The following NOL4 variants were observed in gnomAD, a reference collection of about 807,000 sequenced individuals.
NOL4 encodes cancer/testis antigen 125.
A neutral mutation model predicts 75.9 loss-of-function variants in NOL4; 17 were observed. That is an observed-to-expected ratio of 0.22 (90% CI 0.15 to 0.34). The LOEUF (loss-of-function observed/expected upper bound fraction) is 0.34. NOL4 is among the 10% of genes least tolerant of loss of function. The pLI, the probability that NOL4 is intolerant of heterozygous loss-of-function variation, is 1.00. For missense variants in NOL4, 614 were observed against 793.5 expected, an observed-to-expected ratio of 0.77 and a Z score of 2.72; for synonymous variants, 292 against 289.9, an observed-to-expected ratio of 1.01 and a Z score of -0.07.
intron 6 of NOL4, among the ~76,000 whole-genome samples, chr18:34,004,126 C>T (rs993697851): frequency 8.5e-5 from 13 of 152,068 alleles, no homozygotes; most frequent in African/African-American, 2.2e-4. Flanking sequence ...TTTCAATCAA[C>T]TGCCCATCAG....
rs188393305 is a variant in NOL4 at position 33,877,640 on chromosome 18, A to G, written c.1723+5604T>C. Among the ~76,000 whole-genome samples, 20 of 152,118 alleles carry G rather than the reference A, an allele frequency of 1.3e-4. No individual in the cohort carries two copies. The East Asian group carries it at 3.9e-3, about 30-fold the overall frequency. On this transcript the variant is annotated intron_variant, in intron 10 of 10. Coordinates refer to ENST00000261592, the MANE Select transcript of NOL4 (RefSeq NM_003787.5). The stretch of plus-strand genomic sequence containing the variant: ...TTTTATGATAGGAAAGTTTTTGGGG[A>G]GAAACATACAGAAAAAATAGACCTC...
intron 9 of NOL4, among the ~76,000 whole-genome samples, chr18:33,941,268 T>C (rs1421762057): frequency 6.6e-6 from 1 of 151,986 alleles, no homozygotes; most frequent in African/African-American, 2.4e-5. Flanking sequence ...TGGGGAATAT[T>C]GTAGAGTGAT....
chr18:34,083,147 A>G (rs1057471138), intron 5 of NOL4, among the ~76,000 whole-genome samples: 7 of 152,194 alleles, frequency 4.6e-5, no homozygotes, highest in African/African-American at 1.7e-4. Context: ...TGTACGTTCA[A>G]GATGGATTAG....
chr18:33,884,411 T>G (rs2064508049), intron 9 of NOL4, among the ~76,000 whole-genome samples: 1 of 152,118 alleles, frequency 6.6e-6, no homozygotes, highest in South Asian at 2.1e-4. Context: ...TGTTTGCTCA[T>G]TTTTAAGCTA....
At chr18:34,048,537 C>G (rs1042890636) in intron 5 of NOL4, 2 of 985,334 alleles carry the variant, frequency 2.0e-6, no homozygotes, top group African/African-American at 1.7e-5. Context: ...ACCTTTCTCT[C>G]GAAGTGCACC....
rs562230754 is a variant in NOL4, at chr18:33,852,576, C to T, written c.*266G>A. 2 of 273,226 alleles carry T rather than the reference C, an allele frequency of 7.3e-6. No individual in the cohort carries two copies. Among genetic ancestry groups the T allele is most frequent in the Non-Finnish European group, 1.4e-5 (2 of 146,656 alleles). The allele number at this position is 273,226 out of a possible 1,614,324, so 16.9% of individuals were successfully genotyped here. ...TTATCCTTGAATTAAGAATAGATAG[C>T]CTTTTATGCCCCTGATATTTATGGT... is the stretch of plus-strand genomic sequence containing the variant. On this transcript the variant is annotated 3_prime_UTR_variant, in exon 11 of 11. Transcript: ENST00000261592.
intron 5 of NOL4, among the ~76,000 whole-genome samples, chr18:34,076,885 A>G (rs1353420990): frequency 2.0e-5 from 3 of 152,206 alleles, no homozygotes; most frequent in African/African-American, 4.8e-5. Context: ...CATGACTGAT[A>G]AACATGAGTC....
At chr18:33,928,245 A>G (rs1034784720) in intron 9 of NOL4, among the ~76,000 whole-genome samples, 1 of 152,198 alleles carries the variant, frequency 6.6e-6, no homozygotes, top group Non-Finnish European at 1.5e-5. Context: ...AAAGTGTATC[A>G]ACATCGTAGG....
intron 2 of NOL4, among the ~76,000 whole-genome samples, chr18:34,120,091 A>G (rs1018823564): frequency 6.6e-6 from 1 of 152,316 alleles, no homozygotes; most frequent in Non-Finnish European, 1.5e-5. Context: ...AGCCTTAAAG[A>G]CTATATTTAT....
intron 1 of NOL4, among the ~76,000 whole-genome samples, chr18:34,156,896 G>C (rs1313904221): frequency 6.6e-6 from 1 of 151,952 alleles, no homozygotes; most frequent in African/African-American, 2.4e-5. Context: ...TACAAAATCT[G>C]TCCCCTGCCT....
At chr18:34,179,891 A>C (rs2033889504) in intron 1 of NOL4, among the ~76,000 whole-genome samples, 1 of 151,576 alleles carries the variant, frequency 6.6e-6, no homozygotes, top group African/African-American at 2.4e-5. Flanking sequence ...TAAACTACTC[A>C]GTTTATGGTA....
At chr18:34,119,676 C>T (rs2080033801) in intron 2 of NOL4, among the ~76,000 whole-genome samples, 1 of 152,088 alleles carries the variant, frequency 6.6e-6, no homozygotes, top group Non-Finnish European at 1.5e-5. Context: ...CGCTGGAGTG[C>T]AGTGGCGCGA....
chr18:33,901,930 T>C (rs946857790), intron 9 of NOL4, among the ~76,000 whole-genome samples: 1 of 152,048 alleles, frequency 6.6e-6, no homozygotes, highest in Non-Finnish European at 1.5e-5. Context: ...AGGCTATGAA[T>C]ATGAAGATGT....
intron 6 of NOL4, among the ~76,000 whole-genome samples, chr18:33,969,578 A>T (rs1042603211): frequency 6.6e-6 from 1 of 152,220 alleles, no homozygotes; most frequent in African/African-American, 2.4e-5. Flanking sequence ...TTATTACTTA[A>T]CAACTGCATG....
intron 1 of NOL4, among the ~76,000 whole-genome samples, chr18:34,203,717 T>TCTCTCTCTCACACACACACA (rs1261546835): frequency 5.1e-4 from 37 of 72,300 alleles, no homozygotes; most frequent in African/African-American, 1.8e-3. Flanking sequence ...TCTCTCTCTC[T>TCTCTCTCTCACACACACACA]CACACACACA....
chr18:34,162,834 A>G (rs547570327), intron 1 of NOL4, among the ~76,000 whole-genome samples: 1 of 152,218 alleles, frequency 6.6e-6, no homozygotes, highest in Non-Finnish European at 1.5e-5. Flanking sequence ...TGATGCAAAA[A>G]TCCTCAGTGA....
At chr18:34,167,561 T>C (rs928630658) in intron 1 of NOL4, among the ~76,000 whole-genome samples, 14 of 150,582 alleles carry the variant, frequency 9.3e-5, no homozygotes, top group African/African-American at 2.5e-4. Context: ...GATAGATAGA[T>C]AGACAGACAG....
chr18:33,908,915 A>G (rs890489934), intron 9 of NOL4, among the ~76,000 whole-genome samples: 15 of 152,152 alleles, frequency 9.9e-5, no homozygotes, highest in African/African-American at 3.6e-4. Flanking sequence ...TGCTTACATT[A>G]CTTTCAGTTT....
chr18:33,883,088 G>A (rs539821319), intron 10 of NOL4, among the ~76,000 whole-genome samples, 156 bp downstream of exon 10: 1 of 152,228 alleles, frequency 6.6e-6, no homozygotes, highest in Admixed American at 6.5e-5. Context: ...GATAGCATTG[G>A]GAGATATCCC....
Sources: allele counts gnomAD v4.1 joint callset (sites outside exome capture counted in the v4.1 genomes callset), GRCh38; gene constraint gnomAD v4.1.1; transcripts MANE v1.5; gene names NCBI Gene and HGNC (gene_info 2026-07-23, HGNC 2026-07-21).